NKAIN2: variants seen among roughly 807,000 people sequenced by gnomAD.
NKAIN2 encodes sodium/potassium-transporting ATPase subunit beta-1-interacting protein 2.
NKAIN2 carries 14 observed loss-of-function variants against 32.6 expected under a neutral mutation model. The ratio of observed to expected loss-of-function variants is 0.43; its 90% CI spans 0.28 to 0.67. The LOEUF (loss-of-function observed/expected upper bound fraction) is 0.67. Ranked by LOEUF, NKAIN2 falls within the 30% of genes least tolerant of loss-of-function variation. The pLI is 0.17. For synonymous variants in NKAIN2, 80 were observed against 87.2 expected (o/e 0.92, Z 0.46); for missense variants, 198 against 258.3 (o/e 0.77, Z 1.60).
chr6:124,188,435 G>A (rs1400451523), intron 1 of NKAIN2, among the ~76,000 whole-genome samples: 1 of 152,164 alleles, frequency 6.6e-6, no homozygotes, highest in Non-Finnish European at 1.5e-5. Flanking sequence ...TCCAGATTAT[G>A]TAAAATAATC....
intron 3 of NKAIN2, among the ~76,000 whole-genome samples, chr6:124,588,760 C>T (rs902870080): frequency 6.6e-6 from 1 of 152,126 alleles, no homozygotes; most frequent in African/African-American, 2.4e-5. Flanking sequence ...GTACCCCCAA[C>T]TGAAAGTTCC....
At chr6:123,833,691 C>CTGTATG (rs1554211810) in intron 1 of NKAIN2, among the ~76,000 whole-genome samples, 10 of 129,544 alleles carry the variant, frequency 7.7e-5, no homozygotes, top group Non-Finnish European at 1.6e-4. Flanking sequence ...ATTTTTTTTC[C>CTGTATG]TGTGTGTGTG....
chr6:124,686,269 C>T (rs568203757), intron 4 of NKAIN2, among the ~76,000 whole-genome samples: 164 of 152,226 alleles, frequency 1.1e-3, no homozygotes, highest in African/African-American at 3.8e-3. Flanking sequence ...TCTGTTCTCT[C>T]GCTGCTATAA....
intron 1 of NKAIN2, among the ~76,000 whole-genome samples, chr6:124,028,719 G>A (rs939505582): frequency 1.1e-4 from 15 of 140,168 alleles, no homozygotes; most frequent in African/African-American, 4.3e-4. Context: ...ATATATACGT[G>A]TATATACGTG....
At chr6:124,778,831 A>G (rs963908389) in intron 4 of NKAIN2, among the ~76,000 whole-genome samples, 2 of 152,130 alleles carry the variant, frequency 1.3e-5, no homozygotes, top group Non-Finnish European at 2.9e-5. Flanking sequence ...TAATACATAT[A>G]CTAGGGAGAA....
chr6:124,782,552 C>A (rs927180892), intron 4 of NKAIN2, among the ~76,000 whole-genome samples: 1 of 152,086 alleles, frequency 6.6e-6, no homozygotes, highest in Non-Finnish European at 1.5e-5. Flanking sequence ...ATACTCCTTC[C>A]AGTGAAATTC....
At chr6:124,541,300 G>A (rs371726558) in intron 3 of NKAIN2, among the ~76,000 whole-genome samples, 1 of 152,050 alleles carries the variant, frequency 6.6e-6, no homozygotes, top group Non-Finnish European at 1.5e-5. Flanking sequence ...TGAGTGTTTT[G>A]GTCAGATAAG....
At chr6:124,822,563 G>A (rs909326589) in intron 6 of NKAIN2, among the ~76,000 whole-genome samples, 1 of 151,830 alleles carries the variant, frequency 6.6e-6, no homozygotes, top group Non-Finnish European at 1.5e-5. Context: ...CTGTGTTTCA[G>A]TTCCTGCAAA....
chr6:124,699,434 G>A (rs1393341448), intron 4 of NKAIN2, among the ~76,000 whole-genome samples: 1 of 152,172 alleles, frequency 6.6e-6, no homozygotes, highest in Non-Finnish European at 1.5e-5. Context: ...ATACGGTTTT[G>A]ATCTCTGTCC....
chr6:123,822,063 A>G (rs917617128), intron 1 of NKAIN2, among the ~76,000 whole-genome samples: 1 of 152,208 alleles, frequency 6.6e-6, no homozygotes, highest in African/African-American at 2.4e-5. Flanking sequence ...TGTGGAATTA[A>G]GAACTAAAGA....
At chr6:124,308,306 G>A (rs1333401778) in intron 2 of NKAIN2, among the ~76,000 whole-genome samples, 1 of 152,082 alleles carries the variant, frequency 6.6e-6, no homozygotes, top group African/African-American at 2.4e-5. Context: ...CCATGTCCCT[G>A]AAAAGGACAT....
At chr6:124,759,205 C>CT (rs1260738901) in intron 4 of NKAIN2, among the ~76,000 whole-genome samples, 1 of 152,124 alleles carries the variant, frequency 6.6e-6, no homozygotes, top group East Asian at 1.9e-4. Flanking sequence ...TCTATGTAAT[C>CT]TTGTTTTCCA....
chr6:123,835,872 G>T (rs77813218), intron 1 of NKAIN2, among the ~76,000 whole-genome samples: 2,260 of 152,108 alleles, frequency 0.015, 57 homozygotes, highest in African/African-American at 0.052. Flanking sequence ...GTACACTGTG[G>T]TTCCTGCTTA....
intron 4 of NKAIN2, among the ~76,000 whole-genome samples, chr6:124,728,932 C>G (rs1212415291): frequency 1.2e-4 from 18 of 150,422 alleles, no homozygotes; most frequent in African/African-American, 4.1e-4. Flanking sequence ...ACAAACACCT[C>G]TACGCAAATA....
chr6:124,448,484 C>G (rs1775980728), intron 3 of NKAIN2, among the ~76,000 whole-genome samples: 1 of 152,138 alleles, frequency 6.6e-6, no homozygotes. Flanking sequence ...TGCCCTATCT[C>G]TAGCCTCTAC....
intron 1 of NKAIN2, among the ~76,000 whole-genome samples, chr6:124,251,907 A>G (rs944201834): frequency 6.6e-6 from 1 of 152,064 alleles, no homozygotes; most frequent in African/African-American, 2.4e-5. Flanking sequence ...TGCAAAGAAG[A>G]TATATATAAG....
At chr6:124,034,668 T>A (rs1163660318) in intron 1 of NKAIN2, among the ~76,000 whole-genome samples, 1 of 152,142 alleles carries the variant, frequency 6.6e-6, no homozygotes, top group Non-Finnish European at 1.5e-5. Context: ...ATGGTAGTTC[T>A]GTTTTTAGTT....
At chr6:123,905,945 C>T (rs957938239) in intron 1 of NKAIN2, among the ~76,000 whole-genome samples, 1 of 152,030 alleles carries the variant, frequency 6.6e-6, no homozygotes, top group Non-Finnish European at 1.5e-5. Flanking sequence ...TATATAGGTA[C>T]CAGATTAAGA....
intron 3 of NKAIN2, among the ~76,000 whole-genome samples, chr6:124,401,551 A>G (rs1253248075): frequency 6.6e-6 from 1 of 152,166 alleles, no homozygotes; most frequent in Non-Finnish European, 1.5e-5. Context: ...TCACGGAAAA[A>G]GTTTACCAAC....
Sources: allele counts gnomAD v4.1 joint callset (sites outside exome capture counted in the v4.1 genomes callset), GRCh38; gene constraint gnomAD v4.1.1; transcripts MANE v1.5; gene names NCBI Gene and HGNC (gene_info 2026-07-23, HGNC 2026-07-21).